ZNF700: variants seen among roughly 807,000 people sequenced by gnomAD.
ZNF700 encodes the protein zinc finger protein 700.
Under a neutral mutation model 65.3 loss-of-function variants are expected in ZNF700, and 38 were observed. That is an observed-to-expected ratio of 0.58 (90% confidence interval 0.45 to 0.76). The LOEUF (loss-of-function observed/expected upper bound fraction) is 0.76, where lower values mean the gene tolerates loss of function less well. ZNF700 is among the 30% of genes least tolerant of loss of function. The pLI, the probability that ZNF700 is intolerant of heterozygous loss-of-function variation, is 0.00. For missense variants in ZNF700, 857 were observed against 888.4 expected, an observed-to-expected ratio of 0.96 and a Z score of 0.45; for synonymous variants, 285 against 290.4, an observed-to-expected ratio of 0.98 and a Z score of 0.19.
At position 11,946,225 on chromosome 19, in the gene ZNF700, G is replaced by A. The variant is rs199889381; in HGVS notation, c.64-956G>A. Among the ~76,000 whole-genome samples, 23 of 152,158 alleles carry A rather than the reference G, an allele frequency of 1.5e-4. No homozygotes were observed. The East Asian group carries it at 1.6e-3, about 10-fold the overall frequency. Reference sequence around the variant, plus strand: ...GTCTTTCCAGTCTTAGATCGTAAATGAGCTGCCAAGGGAGGGGTTTCTCCC... The same window carrying A: ...GTCTTTCCAGTCTTAGATCGTAAATAAGCTGCCAAGGGAGGGGTTTCTCCC... On this transcript the variant is annotated intron_variant, in intron 1 of 3. Coordinates refer to ENST00000254321, the MANE Select transcript of ZNF700 (RefSeq NM_144566.3).
intron 1 of ZNF700, 131 bp from the exon 2 acceptor site, chr19:11,947,050 G>C: frequency 7.1e-7 from 1 of 1,400,444 alleles, no homozygotes; most frequent in East Asian, 2.5e-5. Context: ...GGAGAGAAAG[G>C]GATCTGATAA....
rs73509026 is a variant in ZNF700, at chr19:11,948,652, C to T, written c.628C>T (p.Arg210Ter). The stretch of plus-strand genomic sequence containing the variant: ...AACCTTTATTTTCCATTCAAGCATT[C>T]GAAGACACATGGTAATGCACAGTGG... The part of the protein sequence containing the change: ...GKTFIFHSSI[R>*]RHMVMHSGDG... The change falls in exon 4 of 4, where the codon CGA becomes TGA. Residue 210 changes from arginine to a stop codon, truncating the protein, a stop_gained. Transcript: ENST00000254321. LOFTEE classifies it high-confidence loss of function. The T allele has an allele frequency of 6.2e-6, 10 of 1,611,556 alleles. No individual in the cohort carries two copies. The highest frequency in any genetic ancestry group is 1.6e-4 in the Middle Eastern group (1 of 6,070).
chr19:11,934,902 C>T (rs555984670), intron 1 of ZNF700, among the ~76,000 whole-genome samples: 23 of 146,942 alleles, frequency 1.6e-4, no homozygotes, highest in Middle Eastern at 3.4e-3. Context: ...AGTCTTTGGT[C>T]GGGTGCGGTG....
Position 11,925,144 on chromosome 19 carries a change from C to A in ZNF700, c.-67C>A. 2 of 1,584,842 alleles carry A rather than the reference C, an allele frequency of 1.3e-6. No homozygotes were observed. Among genetic ancestry groups the A allele is most frequent in the East Asian group, 2.3e-5 (1 of 43,912 alleles). Reference sequence around the variant, plus strand: ...CGCTGCGCGGGCGGCGGTTGGTAACCGGTCAGACCAGCCCGAGAGGGACCT... The same window carrying A: ...CGCTGCGCGGGCGGCGGTTGGTAACAGGTCAGACCAGCCCGAGAGGGACCT... On this transcript the variant is annotated 5_prime_UTR_variant, in exon 1 of 4. Coordinates refer to ENST00000254321, the MANE Select transcript of ZNF700 (RefSeq NM_144566.3).
chr19:11,950,122 G>A lies in ZNF700; in HGVS notation c.2098G>A (p.Gly700Arg), dbSNP rs906003432. ...ILQIHARTHI[G>R]EKHYECKECG... is the part of the protein sequence containing the mutation. ...TCAAATACATGCAAGAACACACATTGGAGAGAAACACTATGAATGTAAGGA... is the reference window on the plus strand; with the variant it reads ...TCAAATACATGCAAGAACACACATTAGAGAGAAACACTATGAATGTAAGGA... Residue 700 changes from glycine (G) to arginine (R), a missense_variant, in exon 4 of 4, where the codon GGA (glycine) becomes AGA (arginine). Coordinates refer to ENST00000254321, the MANE Select transcript of ZNF700 (RefSeq NM_144566.3). The A allele has an allele frequency of 3.7e-6, 6 of 1,613,958 alleles. No homozygotes were observed. Among genetic ancestry groups the A allele is most frequent in the African/African-American group, 2.7e-5 (2 of 74,908 alleles).
chr19:11,928,802 T>C (rs1568289607), intron 1 of ZNF700, among the ~76,000 whole-genome samples: 1 of 141,894 alleles, frequency 7.0e-6, no homozygotes, highest in Non-Finnish European at 1.5e-5. Flanking sequence ...AAGAGGGGCC[T>C]GGTAGGATGG....
rs753713882 is a variant in ZNF700 at position 11,949,515 on chromosome 19, A to G, written c.1491A>G (p.Lys497=). Residue 497 remains lysine (K), a synonymous_variant, in exon 4 of 4, where the codon AAA becomes AAG. Coordinates refer to ENST00000254321, the MANE Select transcript of ZNF700 (RefSeq NM_144566.3). ...KHLQIHERTE[K]HIRMPSGERP... ...TTCAAATTCATGAAAGGACAGAAAAACACATAAGAATGCCCTCTGGAGAAA... is the reference window on the plus strand; with the variant it reads ...TTCAAATTCATGAAAGGACAGAAAAGCACATAAGAATGCCCTCTGGAGAAA... 6.2e-7 allele frequency: 1 copy of G among 1,610,502 alleles called. No homozygotes were observed. The highest frequency in any genetic ancestry group is 8.5e-7 in the Non-Finnish European group (1 of 1,179,400).
rs933452143 is a variant in ZNF700 at position 11,932,795 on chromosome 19, GT to G, written c.63+7523del. ...TGGGACTACAGGCACCCGCCACCCC[GT>G]CCGGCTAATTTTTTGTATTTTTAGT... is the stretch of plus-strand genomic sequence containing the variant. On this transcript the variant is annotated intron_variant, in intron 1 of 3. Coordinates refer to ENST00000254321, the MANE Select transcript of ZNF700 (RefSeq NM_144566.3). Among the ~76,000 whole-genome samples the G allele has an allele frequency of 1.1e-4, 16 of 146,984 alleles. 2 individuals carry two copies. The highest frequency in any genetic ancestry group is 4.3e-4 in the African/African-American group (16 of 37,132).
rs181718165 is a variant in ZNF700, at chr19:11,935,486, C to G, written c.63+10213C>G. 1.7e-3 allele frequency among the ~76,000 whole-genome samples: 256 copies of G among 152,096 alleles called. 3 individuals are homozygous for G. Among genetic ancestry groups the G allele is most frequent in the African/African-American group, 5.8e-3 (241 of 41,520 alleles). On this transcript the variant is annotated intron_variant, in intron 1 of 3. Coordinates refer to ENST00000254321, the MANE Select transcript of ZNF700 (RefSeq NM_144566.3). Reference sequence around the variant, plus strand: ...GACCTCGATGATCCACCCACCTCAGCCTCCCAAAGTGCCGGGATTATAGGC... The same window carrying G: ...GACCTCGATGATCCACCCACCTCAGGCTCCCAAAGTGCCGGGATTATAGGC...
Position 11,948,888 on chromosome 19 carries a change from T to C in ZNF700, c.864T>C (p.His288=). 1.2e-6 allele frequency: 2 copies of C among 1,600,932 alleles called. No homozygotes were observed. Among genetic ancestry groups the C allele is most frequent in the South Asian group, 1.1e-5 (1 of 88,292 alleles). Residue 288 remains histidine (H), a synonymous_variant, in exon 4 of 4, where the codon CAT becomes CAC. Coordinates refer to ENST00000254321, the MANE Select transcript of ZNF700 (RefSeq NM_144566.3). ...YECSKCDKAF[H]SSSSYHRHER... is the part of the protein sequence containing the mutation. ...GTAGCAAATGTGATAAAGCATTTCA[T>C]AGTTCTAGTTCCTATCATAGACATG... is the stretch of plus-strand genomic sequence containing the variant.
chr19:11,949,479 T>G lies in ZNF700; in HGVS notation c.1455T>G (p.Tyr485Ter). ...ECKECGKAFR[Y>*]VKHLQIHERT... ...AGGAATGTGGGAAAGCCTTCAGATA[T>G]GTGAAGCACCTTCAAATTCATGAAA... is the stretch of plus-strand genomic sequence containing the variant. Residue 485 changes from tyrosine (Y) to a stop codon, truncating the protein, a stop_gained, in exon 4 of 4, where the codon TAT becomes TAG. Transcript: ENST00000254321. LOFTEE classifies it high-confidence loss of function. 6.2e-7 allele frequency: 1 copy of G among 1,612,662 alleles called. No individual in the cohort carries two copies. The highest frequency in any genetic ancestry group is 8.5e-7 in the Non-Finnish European group (1 of 1,179,724).
intron 1 of ZNF700, among the ~76,000 whole-genome samples, chr19:11,938,397 A>G (rs1344590885): frequency 6.6e-6 from 1 of 151,886 alleles, no homozygotes; most frequent in African/African-American, 2.4e-5. Context: ...CCCCTACCCC[A>G]TGACAGGCCC....
rs752175417 is a variant in ZNF700 at position 11,949,067 on chromosome 19, G to A, written c.1043G>A (p.Ser348Asn). Residue 348 changes from serine to asparagine, a missense_variant, in exon 4 of 4, where the codon AGT (serine) becomes AAT (asparagine). Physicochemically the swap from Ser to Asn is conservative, Grantham distance 46. Coordinates refer to ENST00000254321, the MANE Select transcript of ZNF700 (RefSeq NM_144566.3). ...QYGEGLSYLI[S>N]FQTHIRMNSG... ...GGGGAAGGCTTATCCTATCTTATAA[G>A]TTTTCAAACACACATAAGAATGAAC... The A allele has an allele frequency of 6.2e-7, 1 of 1,609,562 alleles. No individual in the cohort carries two copies. Among genetic ancestry groups the A allele is most frequent in the Non-Finnish European group, 8.5e-7 (1 of 1,179,116 alleles).
chr19:11,937,613 C>T (rs1254920173), intron 1 of ZNF700, among the ~76,000 whole-genome samples: 4 of 151,604 alleles, frequency 2.6e-5, no homozygotes, highest in South Asian at 2.1e-4. Context: ...CTCAGCCTCC[C>T]GAGTAACTGA....
In ZNF700 at chr19:11,936,880, G is replaced by A. The variant is rs548720701; in HGVS notation, c.64-10301G>A. ...AATTTTTGTGTAAGGTGTAAGGAAG[G>A]GATCCAGTTTCAGCTTTCTACATAT... On this transcript the variant is annotated intron_variant, in intron 1 of 3. Transcript: ENST00000254321. Among the ~76,000 whole-genome samples, 296 of 152,210 alleles carry A rather than the reference G, an allele frequency of 1.9e-3. 2 individuals are homozygous for A. Among genetic ancestry groups the A allele is most frequent in the African/African-American group, 6.6e-3 (275 of 41,514 alleles).
chr19:11,931,477 G>A (rs1291799474), intron 1 of ZNF700, among the ~76,000 whole-genome samples: 1 of 148,274 alleles, frequency 6.7e-6, no homozygotes, highest in Non-Finnish European at 1.5e-5. Flanking sequence ...GGTTATTAAT[G>A]TATGATTTTT....
rs542489453 is a variant in ZNF700, at chr19:11,937,839, T to A, written c.64-9342T>A. On this transcript the variant is annotated intron_variant, in intron 1 of 3. Coordinates refer to ENST00000254321, the MANE Select transcript of ZNF700 (RefSeq NM_144566.3). ...CTCTCTGTCATCTTATGGAATCTTC[T>A]CTTGTATAGTTCATTGAGTGTTTTT... 3.3e-5 allele frequency among the ~76,000 whole-genome samples: 5 copies of A among 152,240 alleles called. No homozygotes were observed. The South Asian group carries it at 1.0e-3, about 32-fold the overall frequency.
At chr19:11,928,508 G>A (rs538155401) in intron 1 of ZNF700, among the ~76,000 whole-genome samples, 15 of 149,540 alleles carry the variant, frequency 1.0e-4, no homozygotes, top group East Asian at 1.9e-4. Flanking sequence ...CGAGGCGGGC[G>A]GATCACGAGG....
intron 1 of ZNF700, among the ~76,000 whole-genome samples, chr19:11,942,332 T>C (rs984568598): frequency 6.6e-6 from 1 of 151,922 alleles, no homozygotes; most frequent in Non-Finnish European, 1.5e-5. Flanking sequence ...AAACACAGCC[T>C]CAGGACTGCT....
Sources: allele counts gnomAD v4.1 joint callset (sites outside exome capture counted in the v4.1 genomes callset), GRCh38; gene constraint gnomAD v4.1.1; transcripts MANE v1.5; gene names NCBI Gene and HGNC (gene_info 2026-07-23, HGNC 2026-07-21).